GSE1: variants seen among roughly 807,000 people sequenced by gnomAD.
The protein encoded by GSE1 is genetic suppressor element 1.
GSE1 carries 32 observed loss-of-function variants against 112.6 expected under a neutral mutation model. That is an observed-to-expected ratio of 0.28 (90% CI 0.21 to 0.38). The LOEUF is 0.38. GSE1 is among the 10% of genes least tolerant of loss of function. The pLI, the probability that GSE1 is intolerant of heterozygous loss-of-function variation, is 1.00. For synonymous variants in GSE1, 1,115 were observed against 735.6 expected (o/e 1.52, Z -8.35); for missense variants, 2,348 against 1,699.2 (o/e 1.38, Z -6.71).
At position 85,673,119 on chromosome 16, in the gene GSE1, G is replaced by A. The variant is rs1325880361; in HGVS notation, c.*580G>A. 1 of 152,254 alleles carries A rather than the reference G, an allele frequency of 6.6e-6. No individual in the cohort carries two copies. The highest frequency in any genetic ancestry group is 2.4e-5 in the African/African-American group (1 of 41,420). 9.4% of individuals were successfully genotyped at this position (152,254 alleles called of 1,614,324 possible). On this transcript the variant is annotated 3_prime_UTR_variant, in exon 16 of 16. Transcript: ENST00000253458. ...CTAGGAGCACACAAAGCAACCCAAA[G>A]GCTTTTCCCTGGAAAAGCTCTTTCT...
At chr16:85,210,328 G>A (rs1343940684) in intron 1 of GSE1, among the ~76,000 whole-genome samples, 2 of 152,234 alleles carry the variant, frequency 1.3e-5, no homozygotes, top group African/African-American at 4.8e-5. Context: ...ACAGTAAGGT[G>A]TGATTGACAA....
At chr16:85,326,404 G>A (rs1275806143) in intron 1 of GSE1, among the ~76,000 whole-genome samples, 2 of 152,192 alleles carry the variant, frequency 1.3e-5, no homozygotes, top group South Asian at 2.1e-4. Flanking sequence ...TGGTTTGGCC[G>A]TGACCCCACC....
chr16:85,413,747 G>T (rs1482943882), intron 2 of GSE1, among the ~76,000 whole-genome samples: 4 of 152,168 alleles, frequency 2.6e-5, no homozygotes, highest in Admixed American at 6.5e-5. Context: ...GGCAAGGAGG[G>T]TGATATGGTT....
At chr16:85,543,587 C>G (rs553551931) in intron 2 of GSE1, among the ~76,000 whole-genome samples, 5 of 152,292 alleles carry the variant, frequency 3.3e-5, no homozygotes, top group African/African-American at 1.2e-4. Flanking sequence ...TTATCCCTGT[C>G]TTGGAACCAT....
chr16:85,283,778 C>G (rs1377424250), intron 1 of GSE1, among the ~76,000 whole-genome samples: 1 of 152,194 alleles, frequency 6.6e-6, no homozygotes, highest in Non-Finnish European at 1.5e-5. Context: ...TCAAACAGCC[C>G]CTAAGGGGTA....
intron 2 of GSE1, among the ~76,000 whole-genome samples, chr16:85,478,887 CTTTCTTTCTTTCTTTCTT>C (rs2050560650): frequency 1.5e-5 from 1 of 67,658 alleles, no homozygotes; most frequent in Non-Finnish European, 2.5e-5. Context: ...TTCTTTCTTT[CTTTCTTTCTTTCTTTCTT>C]TCTTTCTTTC....
chr16:85,652,630 G>C (rs1449149259), intron 3 of GSE1, among the ~76,000 whole-genome samples: 1 of 152,188 alleles, frequency 6.6e-6, no homozygotes, highest in South Asian at 2.1e-4. Context: ...GCCGGCCCGG[G>C]CTGCCTGCAC....
intron 14 of GSE1, among the ~76,000 whole-genome samples, chr16:85,670,250 T>C (rs550486611): frequency 1.3e-5 from 2 of 152,330 alleles, no homozygotes; most frequent in East Asian, 3.9e-4. Flanking sequence ...TCTTTCCTTT[T>C]GAATTTGTCT....
chr16:85,179,968 C>T (rs1043870661), intron 1 of GSE1, among the ~76,000 whole-genome samples: 32 of 152,332 alleles, frequency 2.1e-4, no homozygotes, highest in African/African-American at 7.5e-4. Context: ...GCCCTCAGCT[C>T]CTGCACAGCT....
At chr16:85,575,649 CT>C (rs2151358689) in intron 1 of GSE1, among the ~76,000 whole-genome samples, 1 of 152,228 alleles carries the variant, frequency 6.6e-6, no homozygotes, top group African/African-American at 2.4e-5. Flanking sequence ...TTTCCTCCCC[CT>C]TAATAATAAT....
intron 2 of GSE1, among the ~76,000 whole-genome samples, chr16:85,396,031 G>A (rs1355508667): frequency 6.6e-6 from 1 of 152,352 alleles, no homozygotes. Context: ...TGAGCTTGCT[G>A]CTTCTAGAAC....
chr16:85,627,044 CTTTTTTTTTTTTTTTTTTTTTTT>C (rs564272210), intron 1 of GSE1, among the ~76,000 whole-genome samples: 3 of 25,060 alleles, frequency 1.2e-4, no homozygotes, highest in Non-Finnish European at 2.1e-4. Flanking sequence ...TTCTTCTTGC[CTTTTTTTTTTTTTTTTTTTTTTT>C]TTTTTTTTTA....
chr16:85,569,087 G>A (rs1321301642), intron 1 of GSE1, among the ~76,000 whole-genome samples: 1 of 152,216 alleles, frequency 6.6e-6, no homozygotes, highest in African/African-American at 2.4e-5. Context: ...TCTTGAAATA[G>A]TAAGTTTGCA....
At chr16:85,403,144 C>G (rs575578343) in intron 2 of GSE1, among the ~76,000 whole-genome samples, 2 of 152,102 alleles carry the variant, frequency 1.3e-5, no homozygotes, top group Admixed American at 1.3e-4. Flanking sequence ...AGTTCCTTGC[C>G]GGATGCTGGC....
At chr16:85,402,125 G>A (rs189110936) in intron 2 of GSE1, among the ~76,000 whole-genome samples, 2 of 152,326 alleles carry the variant, frequency 1.3e-5, no homozygotes, top group East Asian at 1.9e-4. Flanking sequence ...ATCCTGTGCC[G>A]TTTGTCCCGG....
chr16:85,484,802 C>T (rs2050782059), intron 2 of GSE1, among the ~76,000 whole-genome samples: 2 of 152,348 alleles, frequency 1.3e-5, no homozygotes, highest in East Asian at 1.9e-4. Flanking sequence ...TGGGGTGGCC[C>T]CTCTTCTGTA....
At chr16:85,223,362 A>G (rs1048596792) in intron 1 of GSE1, among the ~76,000 whole-genome samples, 5 of 152,040 alleles carry the variant, frequency 3.3e-5, no homozygotes, top group African/African-American at 1.2e-4. Flanking sequence ...ATCTCCACCA[A>G]AAATACAAAA....
At chr16:85,314,628 C>CA (rs1174491323) in intron 1 of GSE1, among the ~76,000 whole-genome samples, 1 of 152,214 alleles carries the variant, frequency 6.6e-6, no homozygotes, top group African/African-American at 2.4e-5. Flanking sequence ...CGCCCCACTC[C>CA]TTCCTGAACA....
intron 1 of GSE1, among the ~76,000 whole-genome samples, chr16:85,206,262 G>C (rs2075114387): frequency 6.6e-6 from 1 of 152,178 alleles, no homozygotes; most frequent in Admixed American, 6.5e-5. Context: ...GGCGGGCGTT[G>C]GGGGAAGCCC....
Sources: allele counts gnomAD v4.1 joint callset (sites outside exome capture counted in the v4.1 genomes callset), GRCh38; gene constraint gnomAD v4.1.1; transcripts MANE v1.5; gene names NCBI Gene and HGNC (gene_info 2026-07-23, HGNC 2026-07-21).